Variants in NAXD observed in about 807,000 individuals in gnomAD.
NAXD encodes NAD(P)HX dehydratase, also known as ATP-dependent (S)-NAD(P)H-hydrate dehydratase.
NAXD carries 22 observed loss-of-function variants against 35.8 expected under a neutral mutation model. That is an observed-to-expected ratio of 0.62 (90% CI 0.44 to 0.88). NAXD has a LOEUF of 0.88. NAXD is among the 40% of genes least tolerant of loss of function. The probability of loss-of-function intolerance (pLI) is 0.00; values close to 1 mark genes in which losing one functional copy is unlikely to be tolerated. For synonymous variants in NAXD, 189 were observed against 177.6 expected, an observed-to-expected ratio of 1.06 and a Z score of -0.51; for missense variants, 428 against 437.7, an observed-to-expected ratio of 0.98 and a Z score of 0.20.
intron 1 of NAXD, 133 bp from the exon 2 acceptor site, chr13:110,622,083 C>A: frequency 1.4e-6 from 1 of 739,450 alleles, no homozygotes; most frequent in Non-Finnish European, 2.1e-6. Flanking sequence ...ATCATATTTG[C>A]TTACAGAAAT....
At chr13:110,633,833 ATTG>A (rs1886817016) in intron 5 of NAXD, among the ~76,000 whole-genome samples, 1 of 151,856 alleles carries the variant, frequency 6.6e-6, no homozygotes, top group Non-Finnish European at 1.5e-5. Context: ...CCTGTTTATT[ATTG>A]TTGTTATTTT....
At chr13:110,620,640 G>C (rs1354277641) in intron 1 of NAXD, among the ~76,000 whole-genome samples, 1 of 151,986 alleles carries the variant, frequency 6.6e-6, no homozygotes, top group Non-Finnish European at 1.5e-5. Flanking sequence ...TTATCTTGGG[G>C]AATCCCAGCA....
intron 1 of NAXD, among the ~76,000 whole-genome samples, chr13:110,618,621 C>T (rs11838544): frequency 0.046 from 7,061 of 152,196 alleles, 370 homozygotes; most frequent in African/African-American, 0.13. Context: ...TAGAAAAATC[C>T]GCCTTAGAAA....
chr13:110,634,991 A>G (rs944704068), intron 7 of NAXD, among the ~76,000 whole-genome samples: 13 of 152,224 alleles, frequency 8.5e-5, no homozygotes, highest in East Asian at 1.9e-4. Flanking sequence ...GACTCGGGTC[A>G]GTCAGCCCCT....
chr13:110,624,305 T>G, intron 3 of NAXD, 26 bp downstream of exon 3: 1 of 1,482,018 alleles, frequency 6.7e-7, no homozygotes, highest in South Asian at 1.2e-5. Flanking sequence ...ATTTCTTTAT[T>G]GGGATTTTTC....
chr13:110,637,151 C>T lies in NAXD; in HGVS notation c.741C>T (p.Gly247=), dbSNP rs1315801079. The change falls in exon 9 of 10, where the codon GGC becomes GGT. Residue 247 remains glycine (G), a synonymous_variant. Transcript: ENST00000680254. The part of the protein sequence containing the change: ...GQQVLVCSQE[G]SSRRCGGQGD... The stretch of plus-strand genomic sequence containing the variant: ...CAGTGCTTGTGTGCAGCCAGGAAGG[C>T]AGCAGCCGCAGGTGTGGAGGGCAAG... 1 of 1,613,506 alleles carries T rather than the reference C, an allele frequency of 6.2e-7. No individual in the cohort carries two copies. The highest frequency in any genetic ancestry group is 8.5e-7 in the Non-Finnish European group (1 of 1,179,876).
chr13:110,625,755 G>C (rs551982294), intron 4 of NAXD, among the ~76,000 whole-genome samples: 1 of 152,256 alleles, frequency 6.6e-6, no homozygotes, highest in Non-Finnish European at 1.5e-5. Flanking sequence ...TCTCTCTGCC[G>C]TCCAGGATTG....
intron 5 of NAXD, among the ~76,000 whole-genome samples, chr13:110,632,726 C>T (rs537187767): frequency 4.6e-4 from 70 of 151,642 alleles, no homozygotes; most frequent in African/African-American, 1.1e-3. Flanking sequence ...TACAGAGTGC[C>T]GATTGGTGTA....
At chr13:110,617,102 A>G (rs1886089330) in intron 1 of NAXD, among the ~76,000 whole-genome samples, 3 of 152,196 alleles carry the variant, frequency 2.0e-5, no homozygotes, top group African/African-American at 7.2e-5. Flanking sequence ...CAGACTGCCT[A>G]AACTTTTACG....
rs183210530 is a variant in NAXD, at chr13:110,632,121, T to C, written c.442-2424T>C. Among the ~76,000 whole-genome samples the C allele has an allele frequency of 6.2e-5, 8 of 129,408 alleles. No homozygotes were observed. In the East Asian group the frequency reaches 1.4e-3, roughly 22 times the overall value. The allele number at this position is 129,408 out of a possible 152,430, so 84.9% of individuals were successfully genotyped here. On this transcript the variant is annotated intron_variant, in intron 5 of 9. Coordinates refer to ENST00000680254, the MANE Select transcript of NAXD (RefSeq NM_001242882.2). Reference sequence around the variant, plus strand: ...CGCGTCTGGAGTCTGTTCCTTCTGATGTTCAGATGTGTTCGGAGTTTCTTC... The same window carrying C: ...CGCGTCTGGAGTCTGTTCCTTCTGACGTTCAGATGTGTTCGGAGTTTCTTC...
chr13:110,618,976 T>C (rs1410534992), intron 1 of NAXD, among the ~76,000 whole-genome samples: 1 of 152,224 alleles, frequency 6.6e-6, no homozygotes, highest in African/African-American at 2.4e-5. Flanking sequence ...CTGGGAGCTC[T>C]GGTGCTGCAG....
chr13:110,617,409 C>T (rs1363985075), intron 1 of NAXD, among the ~76,000 whole-genome samples: 1 of 152,102 alleles, frequency 6.6e-6, no homozygotes, highest in African/African-American at 2.4e-5. Context: ...TTGTCAAGGC[C>T]TTTTTATCCT....
chr13:110,626,706 G>A (rs887968132), intron 4 of NAXD, among the ~76,000 whole-genome samples: 1 of 152,198 alleles, frequency 6.6e-6, no homozygotes, highest in African/African-American at 2.4e-5. Flanking sequence ...GTCAGTTGGA[G>A]ATGAGGCCTG....
chr13:110,626,712 G>A (rs1239429381), intron 4 of NAXD, among the ~76,000 whole-genome samples: 1 of 152,190 alleles, frequency 6.6e-6, no homozygotes, highest in Non-Finnish European at 1.5e-5. Context: ...TGGAGATGAG[G>A]CCTGAGAACA....
intron 8 of NAXD, among the ~76,000 whole-genome samples, chr13:110,636,872 A>G (rs1007624708): frequency 6.6e-6 from 1 of 152,222 alleles, no homozygotes; most frequent in Non-Finnish European, 1.5e-5. Context: ...TGTCTCCACC[A>G]ACCTGCTGTG....
rs3742191 is a variant in NAXD, at chr13:110,627,470, A to G, written c.364A>G (p.Lys122Glu). The change falls in exon 5 of 10, where the codon AAG becomes GAG. Residue 122 changes from lysine (K) to glutamate (E), a missense_variant. Lys to Glu is a moderately conservative substitution (Grantham distance 56, BLOSUM62 1). This residue lies in a region of NAXD where 208 missense variants were observed against 193.0 expected (regional missense o/e 1.08). Transcript: ENST00000680254. ...DSPNAVHEVE[K>E]WLPRLHALVV... ...CCCCAATGCTGTTCATGAGGTGGAGAAGTGGCTGCCCCGGCTGCATGCTCT... is the reference window on the plus strand; with the variant it reads ...CCCCAATGCTGTTCATGAGGTGGAGGAGTGGCTGCCCCGGCTGCATGCTCT... 0.038 allele frequency: 61,772 copies of G among 1,613,606 alleles called. 1,501 individuals carry two copies. The highest frequency in any genetic ancestry group is 0.1 in the East Asian group (4,513 of 44,850).
chr13:110,615,904 C>A, intron 1 of NAXD: 2 of 733,238 alleles, frequency 2.7e-6, no homozygotes, highest in Non-Finnish European at 3.8e-6. Context: ...CCTCCTGGAA[C>A]GGCGCGGCGA....
At chr13:110,631,579 G>A (rs1431561233) in intron 5 of NAXD, among the ~76,000 whole-genome samples, 7 of 152,142 alleles carry the variant, frequency 4.6e-5, no homozygotes, top group Non-Finnish European at 2.9e-5. Context: ...TCACTTTTGA[G>A]TACTATTTGC....
At chr13:110,615,535 A>G (rs767370794), upstream of NAXD, 3 of 1,322,496 alleles carry the variant, frequency 2.3e-6, no homozygotes, top group Non-Finnish European at 2.9e-6. Context: ...GGAAACCGGA[A>G]AACGCTTCCA....
Sources: allele counts gnomAD v4.1 joint callset (sites outside exome capture counted in the v4.1 genomes callset), GRCh38; gene constraint gnomAD v4.1.1; regional missense constraint gnomAD v4.1.1; transcripts MANE v1.5; gene names NCBI Gene and HGNC (gene_info 2026-07-23, HGNC 2026-07-21).